CHN2: variants seen among roughly 807,000 people sequenced by gnomAD.
CHN2 encodes beta-chimaerin.
Under a neutral mutation model 56.3 loss-of-function variants are expected in CHN2, and 35 were observed. That is an observed-to-expected ratio of 0.62 (90% CI 0.47 to 0.82). CHN2 has a LOEUF of 0.82. CHN2 is among the 40% of genes least tolerant of loss of function. The pLI is 0.00. For missense variants in CHN2, 491 were observed against 580.5 expected, an observed-to-expected ratio of 0.85 and a Z score of 1.58; for synonymous variants, 210 against 212.8, an observed-to-expected ratio of 0.99 and a Z score of 0.12.
intron 1 of CHN2, among the ~76,000 whole-genome samples, chr7:29,273,349 A>ATATATATATATATATATATATATGTGTG (rs1562881834): frequency 3.4e-5 from 2 of 58,520 alleles, no homozygotes; most frequent in African/African-American, 8.6e-5. Context: ...ATGTGTATAT[A>ATATATATATATATATATATATATGTGTG]TATATATATA....
intron 1 of CHN2, among the ~76,000 whole-genome samples, chr7:29,228,788 G>A (rs552989182): frequency 6.6e-6 from 1 of 152,326 alleles, no homozygotes; most frequent in African/African-American, 2.4e-5. Flanking sequence ...TAGTAAGGGG[G>A]GCTGTTTGTC....
At chr7:29,242,284 C>A (rs534704190) in intron 1 of CHN2, among the ~76,000 whole-genome samples, 2 of 152,320 alleles carry the variant, frequency 1.3e-5, no homozygotes, top group South Asian at 4.1e-4. Flanking sequence ...CCTCCAGCAA[C>A]CAGAGACTGT....
intron 1 of CHN2, among the ~76,000 whole-genome samples, chr7:29,346,308 A>T (rs112300428): frequency 5.9e-5 from 9 of 152,330 alleles, no homozygotes; most frequent in Middle Eastern, 3.4e-3. Context: ...GTGCACAGAC[A>T]CAACATCCCA....
chr7:29,313,019 G>T (rs1438949370), intron 1 of CHN2, among the ~76,000 whole-genome samples: 2 of 152,078 alleles, frequency 1.3e-5, no homozygotes, highest in African/African-American at 4.8e-5. Context: ...TGAATCTTGG[G>T]TAATCATACA....
chr7:29,365,282 A>G (rs1799062879), intron 2 of CHN2, among the ~76,000 whole-genome samples: 2 of 152,218 alleles, frequency 1.3e-5, no homozygotes, highest in Non-Finnish European at 2.9e-5. Context: ...GGTTTTATTT[A>G]TATTTATATC....
intron 1 of CHN2, among the ~76,000 whole-genome samples, chr7:29,273,343 G>GTATATATATATGTGTA (rs1790837769): frequency 1.7e-4 from 10 of 58,186 alleles, no homozygotes; most frequent in African/African-American, 6.4e-4. Context: ...ATATATATGT[G>GTATATATATATGTGTA]TATATATATA....
At chr7:29,346,235 A>G (rs1361186174) in intron 1 of CHN2, among the ~76,000 whole-genome samples, 1 of 152,196 alleles carries the variant, frequency 6.6e-6, no homozygotes, top group Non-Finnish European at 1.5e-5. Context: ...TCTGTCCATG[A>G]GGACGTGCTG....
intron 1 of CHN2, among the ~76,000 whole-genome samples, chr7:29,345,121 T>C (rs929878870): frequency 5.9e-5 from 9 of 152,216 alleles, no homozygotes; most frequent in African/African-American, 2.2e-4. Flanking sequence ...CTTGGGGCTC[T>C]GTCCCTCAGA....
chr7:29,182,966 G>C (rs954099505), intron 2 of CHN2, among the ~76,000 whole-genome samples: 1 of 152,068 alleles, frequency 6.6e-6, no homozygotes, highest in East Asian at 1.9e-4. Flanking sequence ...TCTATTACAG[G>C]AAAGATTCTT....
intron 6 of CHN2, among the ~76,000 whole-genome samples, chr7:29,421,299 C>G (rs945720504): frequency 4.6e-5 from 7 of 152,152 alleles, no homozygotes; most frequent in African/African-American, 1.7e-4. Flanking sequence ...TTCAGCCTAC[C>G]CAAGGGCAGA....
At chr7:29,344,818 C>T (rs1161451549) in intron 1 of CHN2, among the ~76,000 whole-genome samples, 1 of 152,160 alleles carries the variant, frequency 6.6e-6, no homozygotes. Flanking sequence ...GTGGGAAGAG[C>T]CTGACTGCCC....
At chr7:29,480,801 C>T (rs147432958) in intron 7 of CHN2, among the ~76,000 whole-genome samples, 9 of 152,176 alleles carry the variant, frequency 5.9e-5, no homozygotes, top group African/African-American at 2.2e-4. Context: ...GATGCTAACT[C>T]CTTTCCTTTA....
chr7:29,346,503 A>T (rs559462914), intron 1 of CHN2, among the ~76,000 whole-genome samples: 1 of 152,368 alleles, frequency 6.6e-6, no homozygotes, highest in East Asian at 1.9e-4. Context: ...TGTATGCATC[A>T]GTAAATCAAA....
At chr7:29,339,555 ATAT>A (rs1453690414) in intron 1 of CHN2, among the ~76,000 whole-genome samples, 2 of 152,198 alleles carry the variant, frequency 1.3e-5, no homozygotes, top group Non-Finnish European at 2.9e-5. Flanking sequence ...TTTGTTAGCC[ATAT>A]TATAACAATG....
At chr7:29,456,014 A>G (rs1216424558) in intron 6 of CHN2, among the ~76,000 whole-genome samples, 1 of 152,222 alleles carries the variant, frequency 6.6e-6, no homozygotes, top group Non-Finnish European at 1.5e-5. Flanking sequence ...CTGAGGGTGG[A>G]GTCAAAACCA....
At chr7:29,150,218 C>T (rs979134057) in intron 2 of CHN2, among the ~76,000 whole-genome samples, 2 of 152,270 alleles carry the variant, frequency 1.3e-5, no homozygotes, top group Admixed American at 1.3e-4. Context: ...AACCTTGCAC[C>T]TAATGACCAT....
At chr7:29,498,817 G>A (rs111533309) in intron 8 of CHN2, among the ~76,000 whole-genome samples, 20,405 of 145,790 alleles carry the variant, frequency 0.14, 2,622 homozygotes, top group African/African-American at 0.34. Flanking sequence ...GCTGGAGTGC[G>A]GTGGCGCAAT....
At chr7:29,405,164 TACACACACACACACACAC>T (rs57823678) in intron 6 of CHN2, among the ~76,000 whole-genome samples, 1,063 of 105,226 alleles carry the variant, frequency 0.01, 30 homozygotes, top group African/African-American at 0.029. Flanking sequence ...TATGTCACCA[TACACACACACACACACAC>T]ACACACACAC....
chr7:29,339,726 G>A (rs2128912024), intron 1 of CHN2, among the ~76,000 whole-genome samples: 1 of 152,090 alleles, frequency 6.6e-6, no homozygotes, highest in South Asian at 2.1e-4. Flanking sequence ...GATGGCACGT[G>A]CCTGCAATCC....
Sources: gnomAD v4.1 joint callset for allele counts (sites outside exome capture counted in the v4.1 genomes callset) on GRCh38, gnomAD v4.1.1 for gene constraint, MANE v1.5 for transcripts, NCBI Gene and HGNC (gene_info 2026-07-23, HGNC 2026-07-21) for gene names.